The following MDGA2 variants were observed in gnomAD, a reference collection of about 807,000 sequenced individuals.
MDGA2 encodes MAM domain-containing glycosylphosphatidylinositol anchor protein 2.
Under a neutral mutation model 117.8 loss-of-function variants are expected in MDGA2, and 40 were observed. The ratio of observed to expected loss-of-function variants is 0.34; its 90% CI spans 0.26 to 0.44. The LOEUF is 0.44. Among genes scored for constraint, MDGA2 ranks in the 20% least tolerant of loss-of-function variants. The pLI, the probability that MDGA2 is intolerant of heterozygous loss-of-function variation, is 1.00. For synonymous variants in MDGA2, 452 were observed against 439.0 expected, an observed-to-expected ratio of 1.03 and a Z score of -0.37; for missense variants, 1,123 against 1,250.6, an observed-to-expected ratio of 0.90 and a Z score of 1.54.
intron 1 of MDGA2, among the ~76,000 whole-genome samples, chr14:47,346,243 T>C (rs1438706079): frequency 1.3e-5 from 2 of 152,212 alleles, no homozygotes; most frequent in East Asian, 3.9e-4. Context: ...ATTAAAAATT[T>C]AAAAACAAAA....
chr14:47,570,394 A>C (rs2138819243), intron 1 of MDGA2, among the ~76,000 whole-genome samples: 1 of 152,324 alleles, frequency 6.6e-6, no homozygotes, highest in East Asian at 1.9e-4. Flanking sequence ...AGTTAGAGAT[A>C]TATGTTCAAC....
chr14:47,015,469 T>C (rs1458051501), intron 8 of MDGA2, among the ~76,000 whole-genome samples: 1 of 148,352 alleles, frequency 6.7e-6, no homozygotes, highest in African/African-American at 2.5e-5. Context: ...GAAGGAGAAA[T>C]GTAAATCAAA....
At chr14:47,254,075 G>A (rs1887537213) in intron 2 of MDGA2, among the ~76,000 whole-genome samples, 1 of 152,178 alleles carries the variant, frequency 6.6e-6, no homozygotes, top group Non-Finnish European at 1.5e-5. Flanking sequence ...CATAGAGCAG[G>A]GGGGCCCTGG....
At chr14:47,327,041 T>C (rs1309066514) in intron 1 of MDGA2, among the ~76,000 whole-genome samples, 2 of 152,146 alleles carry the variant, frequency 1.3e-5, no homozygotes, top group African/African-American at 4.8e-5. Flanking sequence ...TAGAAGCCCC[T>C]TCCCCACCTG....
rs1285199548 is a variant in MDGA2 at position 46,855,447 on chromosome 14, C to G, written c.2753-293G>C. 6.6e-6 allele frequency among the ~76,000 whole-genome samples: 1 copy of G among 152,018 alleles called. No individual in the cohort carries two copies. ...AGATTATTAGGGTGAGTCCTAAATG[C>G]AATTACATATAGCTTTATAAAACAG... On this transcript the variant is annotated intron_variant, in intron 14 of 16. Transcript: ENST00000399232. This position sits in a 1 kb window ranked among gnomAD's most constrained non-coding sequence, Gnocchi z 4.1.
intron 2 of MDGA2, among the ~76,000 whole-genome samples, chr14:47,251,550 T>C (rs975718955): frequency 1.2e-4 from 18 of 152,238 alleles, no homozygotes; most frequent in African/African-American, 4.1e-4. Context: ...ATCCTGAACA[T>C]TGATATATGG....
intron 1 of MDGA2, among the ~76,000 whole-genome samples, chr14:47,391,505 C>G (rs1039259601): frequency 2.6e-5 from 4 of 152,098 alleles, no homozygotes; most frequent in Non-Finnish European, 5.9e-5. Flanking sequence ...CTGTGGATGC[C>G]GGTTAGTCGG....
intron 8 of MDGA2, among the ~76,000 whole-genome samples, chr14:46,965,353 G>T (rs1885986484): frequency 6.6e-6 from 1 of 152,188 alleles, no homozygotes; most frequent in Non-Finnish European, 1.5e-5. Context: ...ACACCTGAAA[G>T]ATTCAGCCCA....
At position 47,085,604 on chromosome 14, in the gene MDGA2, A is replaced by G. The variant is rs1051673172; in HGVS notation, c.1195+11250T>C. On this transcript the variant is annotated intron_variant, in intron 6 of 16. Coordinates refer to ENST00000399232, the MANE Select transcript of MDGA2 (RefSeq NM_001113498.3). ...ATGCATGCTATGAAAATTGGTAAAT[A>G]CTATAAATCAAGTCTTTTTTTTTTT... Among the ~76,000 whole-genome samples the G allele has an allele frequency of 2.8e-5, 4 of 140,824 alleles. No homozygotes were observed. The Admixed American group carries it at 2.9e-4, about 10-fold the overall frequency. 92.4% of individuals were successfully genotyped at this position (140,824 alleles called of 152,430 possible).
chr14:47,513,002 C>A (rs1430714223), intron 1 of MDGA2, among the ~76,000 whole-genome samples: 1 of 151,832 alleles, frequency 6.6e-6, no homozygotes, highest in Non-Finnish European at 1.5e-5. Flanking sequence ...ATTTGATGTA[C>A]ACTTCATGTA....
chr14:47,517,123 C>T (rs550040925), intron 1 of MDGA2, among the ~76,000 whole-genome samples: 203 of 152,194 alleles, frequency 1.3e-3, no homozygotes, highest in Non-Finnish European at 2.6e-3. Flanking sequence ...TCCTTTTAGA[C>T]TGAAAATACC....
At chr14:47,530,794 T>C (rs545744399) in intron 1 of MDGA2, among the ~76,000 whole-genome samples, 1 of 152,290 alleles carries the variant, frequency 6.6e-6, no homozygotes, top group East Asian at 1.9e-4. Context: ...ACATTTTCAC[T>C]TGAATTTTTT....
rs1886163571 is a variant in MDGA2 at position 47,218,044 on chromosome 14, T to C, written c.572A>G (p.Lys191Arg). 1 of 1,550,192 alleles carries C rather than the reference T, an allele frequency of 6.5e-7. No homozygotes were observed. The highest frequency in any genetic ancestry group is 8.7e-7 in the Non-Finnish European group (1 of 1,146,026). Residue 191 changes from lysine (K) to arginine (R), a missense_variant, in exon 3 of 17, where the codon AAG becomes AGG. Lys to Arg is a conservative substitution (Grantham distance 26). This residue lies in a region of MDGA2 where 890 missense variants were observed against 1,050.3 expected (regional missense o/e 0.85). Transcript: ENST00000399232. ...ACAGTATACATCCACTCTGATTGAC[T>C]TTATCGCTGGAGACCCCAAGCCATT... ...AENGLGSPAI[K>R]SIRVDVYYLD...
chr14:47,197,692 C>T (rs1372699177), intron 3 of MDGA2, among the ~76,000 whole-genome samples: 3 of 152,050 alleles, frequency 2.0e-5, no homozygotes, highest in Admixed American at 6.6e-5. Flanking sequence ...GGGTGGATCA[C>T]GAGGTCAGGG....
At chr14:47,106,990 G>A (rs1880732052) in intron 5 of MDGA2, among the ~76,000 whole-genome samples, 1 of 117,592 alleles carries the variant, frequency 8.5e-6, no homozygotes, top group Admixed American at 8.5e-5. Context: ...GACTATTCCT[G>A]GACTACAGCT....
chr14:47,458,072 G>A (rs1893398965), intron 1 of MDGA2, among the ~76,000 whole-genome samples: 1 of 150,592 alleles, frequency 6.6e-6, no homozygotes, highest in South Asian at 2.1e-4. Flanking sequence ...TATACCTGCT[G>A]GCCATTTGTA....
chr14:47,058,911 T>C (rs1193608387), intron 7 of MDGA2: 2 of 972,748 alleles, frequency 2.1e-6, no homozygotes, highest in Non-Finnish European at 2.4e-6. Context: ...TGCTTTGATG[T>C]TGCCATAGTG....
At chr14:47,592,800 G>T (rs1032720263) in intron 1 of MDGA2, among the ~76,000 whole-genome samples, 2 of 152,060 alleles carry the variant, frequency 1.3e-5, no homozygotes, top group African/African-American at 2.4e-5. Flanking sequence ...AATAATCTAG[G>T]CAATACCATC....
chr14:47,548,786 G>A (rs1221757172), intron 1 of MDGA2, among the ~76,000 whole-genome samples: 2 of 152,080 alleles, frequency 1.3e-5, no homozygotes, highest in Non-Finnish European at 2.9e-5. Flanking sequence ...CGGCCTTCTA[G>A]ATCTCCAGAA....
Sources: gnomAD v4.1 joint callset for allele counts (sites outside exome capture counted in the v4.1 genomes callset) on GRCh38, gnomAD v4.1.1 for gene constraint, gnomAD v4.1.1 regional missense constraint, Gnocchi (gnomAD v3.1) non-coding constraint, MANE v1.5 for transcripts, NCBI Gene and HGNC (gene_info 2026-07-23, HGNC 2026-07-21) for gene names.